The following APBA1 variants were observed in gnomAD, a reference collection of about 807,000 sequenced individuals.
The protein encoded by APBA1 is amyloid-beta A4 precursor protein-binding family A member 1.
In APBA1, 55 loss-of-function variants were observed where a neutral mutation model predicts 86.6. That is an observed-to-expected ratio of 0.64 (90% CI 0.51 to 0.80). The LOEUF is 0.80. APBA1 is among the 30% of genes least tolerant of loss of function. The pLI, the probability that APBA1 is intolerant of heterozygous loss-of-function variation, is 0.00. For synonymous variants in APBA1, 511 were observed against 493.9 expected (o/e 1.03, Z -0.46); for missense variants, 1,090 against 1,183.0 (o/e 0.92, Z 1.15).
intron 1 of APBA1, among the ~76,000 whole-genome samples, chr9:69,658,293 T>C (rs61627879): frequency 1.7e-5 from 1 of 60,226 alleles, no homozygotes. Flanking sequence ...TCTCTCTCTC[T>C]TTCTCTCTCT....
At chr9:69,502,367 T>C (rs915811685) in intron 2 of APBA1, among the ~76,000 whole-genome samples, 1 of 151,980 alleles carries the variant, frequency 6.6e-6, no homozygotes, top group Non-Finnish European at 1.5e-5. Flanking sequence ...AGGCAATACT[T>C]CCAATCCAGG....
At chr9:69,556,822 A>G (rs1271348664) in intron 1 of APBA1, among the ~76,000 whole-genome samples, 3 of 152,196 alleles carry the variant, frequency 2.0e-5, no homozygotes, top group African/African-American at 7.2e-5. Flanking sequence ...GGAAATTAGC[A>G]AACATTCAGC....
At chr9:69,515,690 T>TGGGGGGG (rs60382603) in intron 2 of APBA1, among the ~76,000 whole-genome samples, 16 of 110,796 alleles carry the variant, frequency 1.4e-4, no homozygotes, top group East Asian at 3.1e-4. Flanking sequence ...AATCAGAAAC[T>TGGGGGGG]GGGGGGGGGG....
chr9:69,443,075 T>C (rs1834851393), intron 10 of APBA1, among the ~76,000 whole-genome samples: 1 of 152,202 alleles, frequency 6.6e-6, no homozygotes, highest in African/African-American at 2.4e-5. Context: ...TGCCTCTGGT[T>C]ATCCAGCTTT....
intron 1 of APBA1, among the ~76,000 whole-genome samples, chr9:69,669,135 G>A (rs1823896845): frequency 6.6e-6 from 1 of 152,126 alleles, no homozygotes; most frequent in Non-Finnish European, 1.5e-5. Flanking sequence ...TCTGAGATGC[G>A]GGAGGCAATT....
chr9:69,467,632 T>C (rs1322146074), intron 5 of APBA1, among the ~76,000 whole-genome samples, 191 bp downstream of exon 5: 4 of 152,206 alleles, frequency 2.6e-5, no homozygotes, highest in Admixed American at 1.3e-4. Context: ...AGATCATGTT[T>C]GTATATAAAG....
rs1822227559 is a variant in APBA1 at position 69,596,306 on chromosome 9, T to A, written c.-70+75847A>T. 2.0e-5 allele frequency among the ~76,000 whole-genome samples: 3 copies of A among 152,322 alleles called. No homozygotes were observed. In the South Asian group the frequency reaches 6.2e-4, roughly 32 times the overall value. On this transcript the variant is annotated intron_variant, in intron 1 of 12. Coordinates refer to ENST00000265381, the MANE Select transcript of APBA1 (RefSeq NM_001163.4). Reference sequence around the variant, plus strand: ...CTGGCACTTTTTATCTATTTATATGTTGGGATTCTGCTGATATTTTTCTTT... The same window carrying A: ...CTGGCACTTTTTATCTATTTATATGATGGGATTCTGCTGATATTTTTCTTT...
At chr9:69,658,378 TTCTC>T (rs1349869680) in intron 1 of APBA1, among the ~76,000 whole-genome samples, 7 of 148,624 alleles carry the variant, frequency 4.7e-5, no homozygotes, top group South Asian at 2.2e-4. Flanking sequence ...CTGTCTCTCT[TTCTC>T]TCTTTCTTTC....
At chr9:69,593,240 A>ATTTTTTTTTTT (rs1564086488) in intron 1 of APBA1, among the ~76,000 whole-genome samples, 2 of 152,204 alleles carry the variant, frequency 1.3e-5, no homozygotes, top group African/African-American at 4.8e-5. Context: ...GAATATTTGG[A>ATTTTTTTTTTT]GGCTGATATA....
At chr9:69,616,825 C>T (rs1576510) in intron 1 of APBA1, among the ~76,000 whole-genome samples, 148,184 of 152,240 alleles carry the variant, frequency 0.97, 72,255 homozygotes, top group East Asian at 1. Context: ...AGCAATGCTT[C>T]TGGAGAAAGA....
chr9:69,473,784 C>T (rs933692749), intron 3 of APBA1, among the ~76,000 whole-genome samples: 1 of 152,030 alleles, frequency 6.6e-6, no homozygotes, highest in South Asian at 2.1e-4. Context: ...GCATTTGGTA[C>T]ATTCACTTAT....
At chr9:69,601,875 C>T (rs1311832847) in intron 1 of APBA1, among the ~76,000 whole-genome samples, 1 of 152,190 alleles carries the variant, frequency 6.6e-6, no homozygotes, top group African/African-American at 2.4e-5. Context: ...TATTCCAACC[C>T]CTTCTAATAC....
In APBA1 at chr9:69,431,269, G is replaced by A. The variant is rs1200261564; in HGVS notation, c.*58C>T. 2.6e-5 allele frequency: 36 copies of A among 1,408,082 alleles called. No individual in the cohort carries two copies. The highest frequency in any genetic ancestry group is 4.4e-5 in the African/African-American group (3 of 68,938). The allele number at this position is 1,408,082 out of a possible 1,614,324, so 87.2% of individuals were successfully genotyped here. ...CTCAGTGGACACAGGGATGCAGCAC[G>A]AGAAACACAACCACGAAGAGGAGAG... On this transcript the variant is annotated 3_prime_UTR_variant, in exon 13 of 13. Coordinates refer to ENST00000265381, the MANE Select transcript of APBA1 (RefSeq NM_001163.4).
At chr9:69,476,843 C>T (rs541637348) in intron 2 of APBA1, among the ~76,000 whole-genome samples, 1 of 152,288 alleles carries the variant, frequency 6.6e-6, no homozygotes, top group African/African-American at 2.4e-5. Context: ...ATTGCCTGGG[C>T]TGATGGGACC....
Position 69,516,079 on chromosome 9 carries a change from T to C in APBA1, c.1132A>G (p.Ile378Val). 1 of 1,612,790 alleles carries C rather than the reference T, an allele frequency of 6.2e-7. No individual in the cohort carries two copies. The highest frequency in any genetic ancestry group is 8.5e-7 in the Non-Finnish European group (1 of 1,179,258). Residue 378 changes from isoleucine to valine, a missense_variant, in exon 2 of 13, where the codon ATC becomes GTC. Physicochemically the swap from Ile to Val is conservative, Grantham distance 29. Coordinates refer to ENST00000265381, the MANE Select transcript of APBA1 (RefSeq NM_001163.4). The surrounding 1 kb of genome is among the most constrained non-coding windows in gnomAD (Gnocchi z 7.3). ...PYTPDEPKEP[I>V]WVMRQDISPT... ...CTAATGTCCTGGCGCATGACCCAGA[T>C]GGGCTCTTTGGGCTCGTCGGGGGTG... is the stretch of plus-strand genomic sequence containing the variant.
intron 1 of APBA1, among the ~76,000 whole-genome samples, chr9:69,636,934 A>G (rs369130919): frequency 0.036 from 1,447 of 40,506 alleles, 9 homozygotes; most frequent in Middle Eastern, 0.057. Context: ...AAAGAAAGAA[A>G]GAAAGAAAGA....
intron 1 of APBA1, among the ~76,000 whole-genome samples, chr9:69,660,245 C>A (rs1325817130): frequency 2.0e-5 from 3 of 152,182 alleles, no homozygotes; most frequent in South Asian, 4.1e-4. Flanking sequence ...GTGCATGATT[C>A]CTCAATACAT....
chr9:69,609,347 G>A (rs1305758851), intron 1 of APBA1, among the ~76,000 whole-genome samples: 1 of 152,090 alleles, frequency 6.6e-6, no homozygotes, highest in Non-Finnish European at 1.5e-5. Flanking sequence ...TTTGCACAAA[G>A]GCCATACACA....
chr9:69,660,362 C>T (rs745922444), intron 1 of APBA1, among the ~76,000 whole-genome samples: 7 of 152,098 alleles, frequency 4.6e-5, no homozygotes, highest in Non-Finnish European at 8.8e-5. Context: ...AGCATATCAC[C>T]AAGGGCTGCT....
Sources: gnomAD v4.1 joint callset for allele counts (sites outside exome capture counted in the v4.1 genomes callset) on GRCh38, gnomAD v4.1.1 for gene constraint, Gnocchi (gnomAD v3.1) non-coding constraint, MANE v1.5 for transcripts, NCBI Gene and HGNC (gene_info 2026-07-23, HGNC 2026-07-21) for gene names.